The following CADM2 variants were observed in gnomAD, a reference collection of about 807,000 sequenced individuals.
CADM2 encodes the protein cell adhesion molecule 2, also known as immunoglobulin superfamily member 4D.
CADM2 carries 12 observed loss-of-function variants against 49.8 expected under a neutral mutation model. The ratio of observed to expected loss-of-function variants is 0.24; its 90% CI spans 0.15 to 0.39. CADM2 has a LOEUF of 0.39. CADM2 is among the 10% of genes least tolerant of loss of function. CADM2 has a pLI of 1.00. For missense variants in CADM2, 378 were observed against 492.3 expected, an observed-to-expected ratio of 0.77 and a Z score of 2.20; for synonymous variants, 214 against 175.4, an observed-to-expected ratio of 1.22 and a Z score of -1.74.
At chr3:85,168,958 T>C (rs987171434) in intron 1 of CADM2, among the ~76,000 whole-genome samples, 2 of 152,030 alleles carry the variant, frequency 1.3e-5, no homozygotes, top group African/African-American at 4.8e-5. Context: ...TTTATTTATT[T>C]ATTTATTTAT....
intron 3 of CADM2, among the ~76,000 whole-genome samples, chr3:85,856,173 G>A (rs762102715): frequency 1.5e-4 from 23 of 152,038 alleles, no homozygotes; most frequent in African/African-American, 4.1e-4. Context: ...TAAACATAGC[G>A]TATTTATTCT....
rs115015898 is a variant in CADM2 at position 85,211,079 on chromosome 3, A to T, written c.61+251411A>T. ...TTTTCCAATTTATTGGCATATAATGATCACTCATAGTAGTCAAAAATGAGC... is the reference window on the plus strand; with the variant it reads ...TTTTCCAATTTATTGGCATATAATGTTCACTCATAGTAGTCAAAAATGAGC... On this transcript the variant is annotated intron_variant, in intron 1 of 9. Coordinates refer to ENST00000383699, the MANE Select transcript of CADM2 (RefSeq NM_001167675.2). Among the ~76,000 whole-genome samples, 1,238 of 152,176 alleles carry T rather than the reference A, an allele frequency of 8.1e-3. 10 individuals are homozygous for T. Among genetic ancestry groups the T allele is most frequent in the African/African-American group, 0.027 (1,106 of 41,480 alleles).
At chr3:85,252,564 T>A (rs1010558016) in intron 1 of CADM2, among the ~76,000 whole-genome samples, 1 of 152,058 alleles carries the variant, frequency 6.6e-6, no homozygotes. Context: ...TGGTGCATAC[T>A]ACATTTCAGA....
At chr3:84,965,852 C>T (rs1400637986) in intron 1 of CADM2, among the ~76,000 whole-genome samples, 2 of 152,030 alleles carry the variant, frequency 1.3e-5, no homozygotes, top group Non-Finnish European at 2.9e-5. Context: ...TTAGTGTTGT[C>T]AAGTATAATT....
At chr3:85,442,405 C>T (rs928975540) in intron 1 of CADM2, among the ~76,000 whole-genome samples, 11 of 151,580 alleles carry the variant, frequency 7.3e-5, no homozygotes, top group African/African-American at 2.7e-4. Flanking sequence ...TATCAAAAAT[C>T]CTGCAAAGAT....
intron 1 of CADM2, among the ~76,000 whole-genome samples, chr3:85,420,462 G>T (rs2036118076): frequency 6.6e-6 from 1 of 152,164 alleles, no homozygotes; most frequent in Non-Finnish European, 1.5e-5. Context: ...GTGAAGTGAT[G>T]ATGAAATTTG....
At chr3:85,121,235 T>A (rs566432653) in intron 1 of CADM2, among the ~76,000 whole-genome samples, 23 of 152,218 alleles carry the variant, frequency 1.5e-4, no homozygotes, top group Non-Finnish European at 3.1e-4. Flanking sequence ...ACACTCACTG[T>A]CATTTTGAGA....
At chr3:85,345,430 T>C (rs535458307) in intron 1 of CADM2, among the ~76,000 whole-genome samples, 3 of 151,506 alleles carry the variant, frequency 2.0e-5, no homozygotes, top group Non-Finnish European at 4.4e-5. Flanking sequence ...ATCAAAGTTA[T>C]CATGTCCAGT....
At chr3:86,009,092 AGT>A (rs3042197) in intron 8 of CADM2, among the ~76,000 whole-genome samples, 8,635 of 145,324 alleles carry the variant, frequency 0.059, 634 homozygotes, top group African/African-American at 0.17. Context: ...TTGGTGTTAT[AGT>A]GTGTGTGTGT....
chr3:85,691,140 C>T (rs2066374010), intron 1 of CADM2, among the ~76,000 whole-genome samples: 1 of 152,142 alleles, frequency 6.6e-6, no homozygotes, highest in Non-Finnish European at 1.5e-5. Flanking sequence ...TTGAAATCGA[C>T]TTCTTTAGAC....
intron 8 of CADM2, chr3:86,014,754 G>C (rs1443025502): frequency 1.3e-6 from 2 of 1,488,462 alleles, no homozygotes; most frequent in Non-Finnish European, 1.8e-6. Context: ...CACGCTCTCA[G>C]CCAAGCTTCA....
chr3:84,982,663 C>T (rs1235847192), intron 1 of CADM2, among the ~76,000 whole-genome samples: 9 of 122,022 alleles, frequency 7.4e-5, no homozygotes, highest in Non-Finnish European at 1.3e-4. Flanking sequence ...TATGAAATGG[C>T]AATATATTGT....
intron 1 of CADM2, among the ~76,000 whole-genome samples, chr3:85,463,831 A>T (rs921956896): frequency 6.6e-6 from 1 of 152,144 alleles, no homozygotes; most frequent in Non-Finnish European, 1.5e-5. Context: ...CCATGTATTT[A>T]CAATTCTGAC....
chr3:85,532,675 C>T (rs1014062523), intron 1 of CADM2, among the ~76,000 whole-genome samples: 3 of 152,104 alleles, frequency 2.0e-5, no homozygotes, highest in Non-Finnish European at 4.4e-5. Context: ...ACCCAAAGGA[C>T]TATAAATCGT....
chr3:85,618,077 G>T (rs184037330), intron 1 of CADM2, among the ~76,000 whole-genome samples: 6 of 152,168 alleles, frequency 3.9e-5, no homozygotes, highest in African/African-American at 1.4e-4. Flanking sequence ...AGGAAAGTGT[G>T]TTAAAAATTT....
chr3:85,940,777 A>G lies in CADM2; in HGVS notation c.791+4920A>G, dbSNP rs180999834. 2.1e-3 allele frequency among the ~76,000 whole-genome samples: 314 copies of G among 152,184 alleles called. 1 individual carries two copies. The highest frequency in any genetic ancestry group is 2.9e-3 in the Non-Finnish European group (195 of 67,994). ...CTGGGTTTAAATTATAAATCTGCGG[A>G]TATTAGTGGCCTGAGTAATCCTGAG... On this transcript the variant is annotated intron_variant, in intron 7 of 9. Transcript: ENST00000383699.
intron 1 of CADM2, among the ~76,000 whole-genome samples, chr3:85,094,650 G>A (rs963533199): frequency 5.9e-5 from 9 of 152,138 alleles, no homozygotes; most frequent in African/African-American, 1.7e-4. Flanking sequence ...GATACATTAT[G>A]CAAATATTGG....
chr3:85,365,702 T>A (rs1669378184), intron 1 of CADM2, among the ~76,000 whole-genome samples: 1 of 152,202 alleles, frequency 6.6e-6, no homozygotes, highest in Non-Finnish European at 1.5e-5. Context: ...TATTTTAAAA[T>A]GGAGTAATTT....
At chr3:85,536,289 G>A (rs1393129302) in intron 1 of CADM2, among the ~76,000 whole-genome samples, 2 of 151,720 alleles carry the variant, frequency 1.3e-5, no homozygotes, top group African/African-American at 4.8e-5. Context: ...TCGTTAGGAA[G>A]GAGAAATTCA....
Sources: allele counts gnomAD v4.1 joint callset (sites outside exome capture counted in the v4.1 genomes callset), GRCh38; gene constraint gnomAD v4.1.1; transcripts MANE v1.5; gene names NCBI Gene and HGNC (gene_info 2026-07-23, HGNC 2026-07-21).